APBB1IP: variants seen among roughly 807,000 people sequenced by gnomAD.
The protein encoded by APBB1IP is amyloid beta precursor protein binding family B member 1 interacting protein.
Under a neutral mutation model 64.9 loss-of-function variants are expected in APBB1IP, and 27 were observed. That is an observed-to-expected ratio of 0.42 (90% CI 0.31 to 0.57). APBB1IP has a LOEUF of 0.57. Among genes scored for constraint, APBB1IP ranks in the 20% least tolerant of loss-of-function variants. The probability of loss-of-function intolerance (pLI) is 0.20; values close to 1 mark genes in which losing one functional copy is unlikely to be tolerated. For missense variants in APBB1IP, 812 were observed against 845.5 expected, an observed-to-expected ratio of 0.96 and a Z score of 0.49; for synonymous variants, 392 against 331.0, an observed-to-expected ratio of 1.18 and a Z score of -2.00.
chr10:26,552,850 A>C (rs556973932), intron 11 of APBB1IP, among the ~76,000 whole-genome samples: 1 of 151,776 alleles, frequency 6.6e-6, no homozygotes, highest in East Asian at 1.9e-4. Flanking sequence ...TCTGCAGACA[A>C]TTCTTCTCTT....
At position 26,562,357 on chromosome 10, in the gene APBB1IP, A is replaced by G; in HGVS notation, c.1401A>G (p.Gly467=). The G allele has an allele frequency of 1.9e-6, 3 of 1,613,944 alleles. No homozygotes were observed. Among genetic ancestry groups the G allele is most frequent in the Non-Finnish European group, 2.5e-6 (3 of 1,179,916 alleles). Residue 467 remains glycine (G), a synonymous_variant, in exon 14 of 15, where the codon GGA becomes GGG. Transcript: ENST00000376236. ...AAACAGGCACCACCCAGCCCAATGG[A>G]CAGATTCCCCAGGCTACACATTCTG... ...GPKTGTTQPN[G]QIPQATHSVS...
intron 2 of APBB1IP, among the ~76,000 whole-genome samples, chr10:26,481,715 T>C (rs1835835859): frequency 6.6e-6 from 1 of 152,028 alleles, no homozygotes; most frequent in South Asian, 2.1e-4. Flanking sequence ...TTTGAACTCC[T>C]GGCCTCAAGT....
intron 2 of APBB1IP, among the ~76,000 whole-genome samples, chr10:26,482,750 T>A (rs1249825987): frequency 6.6e-6 from 1 of 152,068 alleles, no homozygotes; most frequent in African/African-American, 2.4e-5. Context: ...TTATTTCTCA[T>A]CAATTCCAGT....
At chr10:26,525,969 G>C (rs1836468851) in intron 8 of APBB1IP, among the ~76,000 whole-genome samples, 1 of 152,138 alleles carries the variant, frequency 6.6e-6, no homozygotes, top group African/African-American at 2.4e-5. Context: ...TGTCTCACAA[G>C]GATCCTGTGA....
At chr10:26,509,828 C>T (rs1301910736) in intron 6 of APBB1IP, 3 of 152,122 alleles carry the variant, frequency 2.0e-5, no homozygotes, top group Admixed American at 2.0e-4. Context: ...ATAACCGGGA[C>T]CAACCGTTAA....
intron 4 of APBB1IP, among the ~76,000 whole-genome samples, chr10:26,499,833 T>C (rs1021108820): frequency 3.3e-5 from 5 of 152,226 alleles, no homozygotes; most frequent in African/African-American, 9.6e-5. Flanking sequence ...CCCAGCTTAC[T>C]GTCTTCATTA....
At chr10:26,532,017 A>G (rs1372355361) in intron 8 of APBB1IP, among the ~76,000 whole-genome samples, 1 of 152,200 alleles carries the variant, frequency 6.6e-6, no homozygotes, top group Non-Finnish European at 1.5e-5. Flanking sequence ...GCATATTGGA[A>G]TGCAGATTTC....
chr10:26,515,182 A>T (rs919719199), intron 8 of APBB1IP, among the ~76,000 whole-genome samples: 1 of 151,912 alleles, frequency 6.6e-6, no homozygotes, highest in African/African-American at 2.4e-5. Context: ...CACCCAGCCC[A>T]ATGGCATGCT....
intron 10 of APBB1IP, among the ~76,000 whole-genome samples, chr10:26,539,535 T>A (rs1214750535): frequency 6.6e-6 from 1 of 152,032 alleles, no homozygotes; most frequent in Non-Finnish European, 1.5e-5. Context: ...TATAGGTTAA[T>A]GTTTTTATAA....
rs1052319306 is a variant in APBB1IP at position 26,566,870 on chromosome 10, G to A, written c.1474-91G>A. The A allele has an allele frequency of 2.5e-4, 343 of 1,392,208 alleles. 1 individual carries two copies. The highest frequency in any genetic ancestry group is 4.3e-4 in the Admixed American group (16 of 37,326). 86.2% of individuals were successfully genotyped at this position (1,392,208 alleles called of 1,614,324 possible). A position where few individuals can be genotyped will look rare whatever the true frequency, so the allele number is the denominator to read the frequency against. On this transcript the variant is annotated intron_variant, in intron 14 of 14. Coordinates refer to ENST00000376236, the MANE Select transcript of APBB1IP (RefSeq NM_019043.4). ...GCCACTGCACTCAGCCTGGGCGACA[G>A]AGTGAGACCCCGTCTCCATTAATTA...
chr10:26,445,658 C>T (rs2992257), intron 2 of APBB1IP, among the ~76,000 whole-genome samples: 32,016 of 152,206 alleles, frequency 0.21, 4,310 homozygotes, highest in East Asian at 0.49. Context: ...GAGACCTTTC[C>T]CACAAAGAAG....
chr10:26,466,008 A>C (rs1283121570), intron 2 of APBB1IP, among the ~76,000 whole-genome samples: 3 of 152,194 alleles, frequency 2.0e-5, no homozygotes, highest in Admixed American at 6.5e-5. Flanking sequence ...AGTCCACAGC[A>C]GGGCTAGCTT....
chr10:26,555,697 C>G (rs568178073), intron 11 of APBB1IP, among the ~76,000 whole-genome samples: 14 of 152,282 alleles, frequency 9.2e-5, no homozygotes, highest in African/African-American at 3.1e-4. Flanking sequence ...ACACCTGGTT[C>G]CATCTATCCT....
chr10:26,526,020 C>T (rs974587748), intron 8 of APBB1IP, among the ~76,000 whole-genome samples: 1 of 152,136 alleles, frequency 6.6e-6, no homozygotes, highest in African/African-American at 2.4e-5. Flanking sequence ...TTAAGACCTG[C>T]TTCAGAGAAG....
intron 8 of APBB1IP, among the ~76,000 whole-genome samples, chr10:26,519,710 C>T (rs1053729668): frequency 2.0e-5 from 3 of 152,212 alleles, no homozygotes; most frequent in African/African-American, 7.2e-5. Flanking sequence ...TAAAAGCCAA[C>T]TTTTATACAT....
chr10:26,556,238 GC>G (rs1836893230), intron 11 of APBB1IP, among the ~76,000 whole-genome samples: 1 of 152,178 alleles, frequency 6.6e-6, no homozygotes, highest in Admixed American at 6.5e-5. Context: ...TGATTATTCA[GC>G]AAAAGGCTCG....
chr10:26,508,449 A>C (rs787031), intron 6 of APBB1IP, among the ~76,000 whole-genome samples: 1 of 151,520 alleles, frequency 6.6e-6, no homozygotes. Context: ...AGGTCTCAGA[A>C]ATTTTGTGTT....
At chr10:26,460,592 A>T (rs1248180306) in intron 2 of APBB1IP, among the ~76,000 whole-genome samples, 1 of 152,182 alleles carries the variant, frequency 6.6e-6, no homozygotes, top group Non-Finnish European at 1.5e-5. Context: ...AAATATGGTA[A>T]ATATACACCA....
chr10:26,540,809 A>T (rs1588611920), intron 10 of APBB1IP, among the ~76,000 whole-genome samples: 1 of 152,342 alleles, frequency 6.6e-6, no homozygotes, highest in Non-Finnish European at 1.5e-5. Flanking sequence ...CTCTGTTTCC[A>T]TGGCAACACT....
Sources: allele counts gnomAD v4.1 joint callset (sites outside exome capture counted in the v4.1 genomes callset), GRCh38; gene constraint gnomAD v4.1.1; transcripts MANE v1.5; gene names NCBI Gene and HGNC (gene_info 2026-07-23, HGNC 2026-07-21).